Variants in RAPGEF1 observed in about 807,000 individuals in gnomAD.
The protein encoded by RAPGEF1 is Rap guanine nucleotide exchange factor 1, also known as CRK SH3-binding GNRP.
In RAPGEF1, 33 loss-of-function variants were observed where a neutral mutation model predicts 143.3. The ratio of observed to expected loss-of-function variants is 0.23; its 90% CI spans 0.17 to 0.31. RAPGEF1 has a LOEUF of 0.31. Ranked by LOEUF, RAPGEF1 falls within the 10% of genes least tolerant of loss-of-function variation. The probability of loss-of-function intolerance (pLI) is 1.00; values close to 1 mark genes in which losing one functional copy is unlikely to be tolerated. For missense variants in RAPGEF1, 1,199 were observed against 1,645.4 expected, an observed-to-expected ratio of 0.73 and a Z score of 4.69; for synonymous variants, 629 against 676.5, an observed-to-expected ratio of 0.93 and a Z score of 1.09.
At chr9:131,627,204 GCTC>G (rs1564563943) in intron 9 of RAPGEF1, among the ~76,000 whole-genome samples, 6 of 123,476 alleles carry the variant, frequency 4.9e-5, no homozygotes, top group African/African-American at 1.4e-4. Context: ...ACAGAGTGAG[GCTC>G]TGTCTCAAAA....
At chr9:131,593,042 C>T (rs1418441317) in intron 17 of RAPGEF1, among the ~76,000 whole-genome samples, 1 of 152,210 alleles carries the variant, frequency 6.6e-6, no homozygotes, top group Non-Finnish European at 1.5e-5. Flanking sequence ...CGTGCCTGGT[C>T]AGTACTTTTA....
Position 131,584,368 on chromosome 9 carries a change from G to C in RAPGEF1, c.3357C>G (p.Leu1119=), listed in dbSNP as rs780758099. Residue 1119 remains leucine, a synonymous_variant, in exon 24 of 27, where the codon CTC becomes CTG. Transcript: ENST00000683357. The surrounding 1 kb of genome is among the most constrained non-coding windows in gnomAD (Gnocchi z 6.8). ...GGATGGGCGCCGAGTCCAGGGCAGAGAGGATGGCCAAGTAGGAGTTGAAGT... is the reference window on the plus strand; with the variant it reads ...GGATGGGCGCCGAGTCCAGGGCAGACAGGATGGCCAAGTAGGAGTTGAAGT... The part of the protein sequence containing the change: ...LNNFNSYLAI[L]SALDSAPIRR... The C allele has an allele frequency of 1.5e-5, 25 of 1,613,766 alleles. No homozygotes were observed. Among genetic ancestry groups the C allele is most frequent in the Non-Finnish European group, 2.1e-5 (25 of 1,179,850 alleles).
At chr9:131,683,945 G>A (rs114636567) in intron 1 of RAPGEF1, among the ~76,000 whole-genome samples, 12,565 of 152,236 alleles carry the variant, frequency 0.083, 618 homozygotes, top group Middle Eastern at 0.26. Context: ...CTCACATTAG[G>A]GCTCGTACAC....
intron 1 of RAPGEF1, among the ~76,000 whole-genome samples, chr9:131,732,315 G>A (rs933797467): frequency 3.9e-5 from 6 of 152,176 alleles, no homozygotes; most frequent in African/African-American, 1.4e-4. Flanking sequence ...GCTGAGTAGA[G>A]CTGGCACAGG....
chr9:131,685,415 T>C lies in RAPGEF1; in HGVS notation c.62-34466A>G, dbSNP rs559133897. On this transcript the variant is annotated intron_variant, in intron 1 of 26. Coordinates refer to ENST00000683357, the MANE Select transcript of RAPGEF1 (RefSeq NM_001377935.1). The stretch of plus-strand genomic sequence containing the variant: ...TGGCCATAATGCCCACGCTGGAAGG[T>C]TGTGGGTTCACGGGAATGAGGGCAA... Among the ~76,000 whole-genome samples, 401 of 152,274 alleles carry C rather than the reference T, an allele frequency of 2.6e-3. 1 individual carries two copies. The highest frequency in any genetic ancestry group is 8.9e-3 in the African/African-American group (370 of 41,550).
chr9:131,589,065 A>C, intron 19 of RAPGEF1, 79 bp from the exon 20 acceptor site: 10 of 1,366,180 alleles, frequency 7.3e-6, no homozygotes, highest in Non-Finnish European at 1.0e-5. Flanking sequence ...GAGACACACA[A>C]AGGGCACGGG....
chr9:131,629,288 G>C, intron 6 of RAPGEF1, 34 bp from the exon 7 acceptor site: 1 of 1,597,578 alleles, frequency 6.3e-7, no homozygotes, highest in Non-Finnish European at 8.6e-7. Context: ...GGTTACAGAA[G>C]GTCAAAGGCG....
chr9:131,643,316 C>CTCCA lies in RAPGEF1; in HGVS notation c.413_416dup (p.Glu139AspfsTer36). 6.2e-7 allele frequency: 1 copy of CTCCA among 1,613,708 alleles called. No individual in the cohort carries two copies. Among genetic ancestry groups the CTCCA allele is most frequent in the Non-Finnish European group, 8.5e-7 (1 of 1,179,810 alleles). ...CCTTGCTGGCTGACCCTGGAAGCATCTCCAGTACCTTCTTATCAATTGCCA... is the reference window on the plus strand; with the variant it reads ...CCTTGCTGGCTGACCCTGGAAGCATCTCCATCCAGTACCTTCTTATCAATTGCCA... On this transcript the variant is annotated frameshift_variant, in exon 4 of 27. Coordinates refer to ENST00000683357, the MANE Select transcript of RAPGEF1 (RefSeq NM_001377935.1). LOFTEE classifies it high-confidence loss of function.
At chr9:131,624,498 T>C (rs1286595731) in intron 10 of RAPGEF1, among the ~76,000 whole-genome samples, 1 of 152,188 alleles carries the variant, frequency 6.6e-6, no homozygotes, top group African/African-American at 2.4e-5. Flanking sequence ...AGACCCTGCA[T>C]GAGGACCGCC....
intron 1 of RAPGEF1, among the ~76,000 whole-genome samples, chr9:131,721,090 C>T (rs745731377): frequency 6.6e-6 from 1 of 152,106 alleles, no homozygotes; most frequent in Non-Finnish European, 1.5e-5. Flanking sequence ...ACAATCCCAC[C>T]GACCCTCCCG....
At chr9:131,685,721 C>T (rs959138703) in intron 1 of RAPGEF1, among the ~76,000 whole-genome samples, 2 of 152,158 alleles carry the variant, frequency 1.3e-5, no homozygotes, top group Non-Finnish European at 2.9e-5. Flanking sequence ...CCCCTGATTT[C>T]CCACTTCACA....
chr9:131,614,684 T>C (rs1298073337), intron 12 of RAPGEF1, among the ~76,000 whole-genome samples: 1 of 152,400 alleles, frequency 6.6e-6, no homozygotes, highest in East Asian at 1.9e-4. Flanking sequence ...TCAAGCCTTC[T>C]GTTGAGAGCA....
chr9:131,582,690 A>G lies in RAPGEF1; in HGVS notation c.3427T>C (p.Tyr1143His). 6.4e-7 allele frequency: 1 copy of G among 1,558,946 alleles called. No homozygotes were observed. The highest frequency in any genetic ancestry group is 8.6e-7 in the Non-Finnish European group (1 of 1,158,130). ...QKQTSEGLAE[Y>H]CTLIDSSSSF... ...GACGAGCTGTCGATCAGTGTGCAGT[A>G]CTCGGCCAGGCCCTGGCAGGACAGG... The change falls in exon 25 of 27, where the codon TAC becomes CAC. Residue 1143 changes from tyrosine to histidine, a missense_variant. Physicochemically the swap from Tyr to His is moderately conservative, Grantham distance 83. Around this residue, in one of 6 missense-constraint regions of RAPGEF1, gnomAD observed 209 missense variants for 403.0 expected, o/e 0.52. Coordinates refer to ENST00000683357, the MANE Select transcript of RAPGEF1 (RefSeq NM_001377935.1).
chr9:131,730,821 G>A (rs1464261647), intron 1 of RAPGEF1, among the ~76,000 whole-genome samples: 1 of 151,822 alleles, frequency 6.6e-6, no homozygotes, highest in African/African-American at 2.4e-5. Context: ...ATTTGCCCAC[G>A]GTCACCCAGC....
chr9:131,646,578 C>G (rs141251576), intron 3 of RAPGEF1, among the ~76,000 whole-genome samples: 118 of 152,298 alleles, frequency 7.7e-4, no homozygotes, highest in Non-Finnish European at 1.5e-3. Context: ...CCTCTCCAGA[C>G]AGTTCTCTCC....
intron 22 of RAPGEF1, among the ~76,000 whole-genome samples, chr9:131,586,198 ACACACACACACG>A (rs1952699495): frequency 6.8e-6 from 1 of 147,030 alleles, no homozygotes; most frequent in Admixed American, 6.7e-5. Flanking sequence ...TCCGTCTCAA[ACACACACACACG>A]CACGCACACA....
chr9:131,586,202 A>T (rs2132157524), intron 22 of RAPGEF1, among the ~76,000 whole-genome samples: 1 of 146,104 alleles, frequency 6.8e-6, no homozygotes, highest in Middle Eastern at 3.7e-3. Context: ...TCTCAAACAC[A>T]CACACACGCA....
At chr9:131,660,453 T>TTA (rs200257354) in intron 1 of RAPGEF1, among the ~76,000 whole-genome samples, 8 of 151,540 alleles carry the variant, frequency 5.3e-5, no homozygotes, top group Non-Finnish European at 1.2e-4. Flanking sequence ...TTTTTTTTTT[T>TTA]AAACAACAAG....
chr9:131,606,526 G>A (rs1041602560), intron 12 of RAPGEF1, among the ~76,000 whole-genome samples: 1 of 152,188 alleles, frequency 6.6e-6, no homozygotes, highest in African/African-American at 2.4e-5. Flanking sequence ...CGTGCCACTC[G>A]CTCAAACATT....
Sources: allele counts gnomAD v4.1 joint callset (sites outside exome capture counted in the v4.1 genomes callset), GRCh38; gene constraint gnomAD v4.1.1; regional missense constraint gnomAD v4.1.1; non-coding constraint Gnocchi (gnomAD v3.1); transcripts MANE v1.5; gene names NCBI Gene and HGNC (gene_info 2026-07-23, HGNC 2026-07-21).